DNAJB12: variants seen among roughly 807,000 people sequenced by gnomAD.
DNAJB12 encodes the protein DnaJ heat shock protein family (Hsp40) member B12.
In DNAJB12, 14 loss-of-function variants were observed where a neutral mutation model predicts 40.6. The ratio of observed to expected loss-of-function variants is 0.34; its 90% CI spans 0.23 to 0.54. The LOEUF (loss-of-function observed/expected upper bound fraction) is 0.54. Ranked by LOEUF, DNAJB12 falls within the 20% of genes least tolerant of loss-of-function variation. DNAJB12 has a pLI of 0.92. For synonymous variants in DNAJB12, 181 were observed against 199.5 expected (o/e 0.91, Z 0.78); for missense variants, 444 against 501.7 (o/e 0.89, Z 1.10).
intron 1 of DNAJB12, among the ~76,000 whole-genome samples, chr10:72,346,967 T>C (rs1254224617): frequency 1.3e-5 from 2 of 151,928 alleles, no homozygotes; most frequent in African/African-American, 2.4e-5. Flanking sequence ...ATTGGTTTTT[T>C]TTTTTTTTCT....
At chr10:72,354,250 G>A (rs1862007321) in intron 1 of DNAJB12, 1 of 153,606 alleles carries the variant, frequency 6.5e-6, no homozygotes, top group African/African-American at 2.4e-5. Context: ...TTGGGAGAGT[G>A]GTCCCTGACC....
intron 1 of DNAJB12, 68 bp downstream of exon 1, chr10:72,354,697 G>C: frequency 7.7e-7 from 1 of 1,294,124 alleles, no homozygotes; most frequent in Non-Finnish European, 1.1e-6. Flanking sequence ...AACTGCTCCC[G>C]TCGGTCCGTT....
At chr10:72,344,921 C>T (rs1861740126) in intron 2 of DNAJB12, 29 bp downstream of exon 2, 1 of 1,613,524 alleles carries the variant, frequency 6.2e-7, no homozygotes, top group African/African-American at 1.3e-5. Flanking sequence ...CCAGTCTCCC[C>T]AGGCTCCAGC....
chr10:72,339,225 C>G (rs964472267), intron 5 of DNAJB12, among the ~76,000 whole-genome samples: 4 of 124,012 alleles, frequency 3.2e-5, no homozygotes, highest in African/African-American at 1.3e-4. Context: ...GGTGACAGAA[C>G]GAGACCCTGT....
chr10:72,336,172 G>T (rs1166019210), intron 7 of DNAJB12, among the ~76,000 whole-genome samples: 1 of 152,208 alleles, frequency 6.6e-6, no homozygotes, highest in Non-Finnish European at 1.5e-5. Context: ...CTGTCATCCT[G>T]GTCAGGCCTC....
chr10:72,346,892 T>C (rs573559744), intron 1 of DNAJB12, among the ~76,000 whole-genome samples: 1 of 152,378 alleles, frequency 6.6e-6, no homozygotes, highest in African/African-American at 2.4e-5. Flanking sequence ...GCAAATATGT[T>C]TGCATTGCAC....
At chr10:72,353,160 T>C (rs1221926941) in intron 1 of DNAJB12, among the ~76,000 whole-genome samples, 1 of 152,258 alleles carries the variant, frequency 6.6e-6, no homozygotes, top group East Asian at 1.9e-4. Flanking sequence ...TTCAAGCTCC[T>C]GAACTGGTGC....
In DNAJB12 at chr10:72,354,887, T is replaced by C. The variant is rs2132014124; in HGVS notation, c.11A>G (p.Asn4Ser). The stretch of plus-strand genomic sequence containing the variant: ...GATACAGCGCTCAGCTTCATCCTTG[T>C]TGGATTCCATGGCGGAACCAGAACG... MES[N>S]KDEAERCISI... The change falls in exon 1 of 9, where the codon AAC (asparagine) becomes AGC (serine). Residue 4 changes from asparagine to serine, a missense_variant. Asn to Ser is a conservative substitution (Grantham distance 46, BLOSUM62 1). Coordinates refer to ENST00000444643, the MANE Select transcript of DNAJB12 (RefSeq NM_017626.7). 1 of 1,614,030 alleles carries C rather than the reference T, an allele frequency of 6.2e-7. No individual in the cohort carries two copies. Among genetic ancestry groups the C allele is most frequent in the Non-Finnish European group, 8.5e-7 (1 of 1,179,906 alleles).
chr10:72,344,817 A>C, intron 2 of DNAJB12, 133 bp downstream of exon 2: 3 of 1,038,066 alleles, frequency 2.9e-6, no homozygotes, highest in Non-Finnish European at 4.4e-6. Flanking sequence ...GGACCCTTGG[A>C]CCTTCTCCAT....
At chr10:72,338,622 G>A (rs1421714563) in intron 5 of DNAJB12, among the ~76,000 whole-genome samples, 2 of 151,330 alleles carry the variant, frequency 1.3e-5, no homozygotes, top group African/African-American at 4.9e-5. Context: ...GCTGGAAGGA[G>A]ACATGCAGTA....
chr10:72,340,600 C>T (rs1461447474), intron 5 of DNAJB12, among the ~76,000 whole-genome samples, 189 bp downstream of exon 5: 3 of 152,188 alleles, frequency 2.0e-5, no homozygotes, highest in Admixed American at 6.5e-5. Context: ...ATGGCTCCCT[C>T]GTGTGGCGCC....
chr10:72,349,078 A>G (rs1166740938), intron 1 of DNAJB12, among the ~76,000 whole-genome samples: 3 of 152,138 alleles, frequency 2.0e-5, no homozygotes, highest in African/African-American at 7.2e-5. Context: ...ATGCAAGCAA[A>G]AGCATAGAAG....
chr10:72,344,843 C>T, intron 2 of DNAJB12, 107 bp downstream of exon 2: 1 of 1,357,270 alleles, frequency 7.4e-7, no homozygotes, highest in Non-Finnish European at 1.0e-6. Context: ...AAGACCCTCC[C>T]AGGGCCCTGT....
At chr10:72,336,151 A>C (rs1168992815) in intron 7 of DNAJB12, among the ~76,000 whole-genome samples, 2 of 152,196 alleles carry the variant, frequency 1.3e-5, no homozygotes, top group East Asian at 3.8e-4. Context: ...GAGGCCAGCC[A>C]AGGTGAGACC....
At position 72,332,990 on chromosome 10, in the gene DNAJB12, C is replaced by G. The variant is rs998632561; in HGVS notation, c.*1658G>C. ...AGACCAGATGGTCGGGGCGTGGGGG[C>G]AGAGCACCGGGGCCACAGTGGGTAG... is the stretch of plus-strand genomic sequence containing the variant. On this transcript the variant is annotated 3_prime_UTR_variant, in exon 9 of 9. Transcript: ENST00000444643. 34 of 152,634 alleles carry G rather than the reference C, an allele frequency of 2.2e-4. No homozygotes were observed. The highest frequency in any genetic ancestry group is 8.0e-4 in the African/African-American group (33 of 41,424). 9.5% of individuals were successfully genotyped at this position (152,634 alleles called of 1,614,324 possible).
Position 72,335,746 on chromosome 10 carries a change from G to A in DNAJB12, c.*30+34C>T. 6.2e-7 allele frequency: 1 copy of A among 1,600,942 alleles called. No individual in the cohort carries two copies. Among genetic ancestry groups the A allele is most frequent in the Non-Finnish European group, 8.5e-7 (1 of 1,172,310 alleles). Reference sequence around the variant, plus strand: ...CTCATGACCAGGGCCAAAGCTGCCAGGAGTTGCAGGGTGGAGGCAGCCCTG... The same window carrying A: ...CTCATGACCAGGGCCAAAGCTGCCAAGAGTTGCAGGGTGGAGGCAGCCCTG... On this transcript the variant is annotated intron_variant, in intron 8 of 8. Coordinates refer to ENST00000444643, the MANE Select transcript of DNAJB12 (RefSeq NM_017626.7). This position sits in a 1 kb window ranked among gnomAD's most constrained non-coding sequence, Gnocchi z 4.4.
At chr10:72,342,594 G>A (rs1396305159) in intron 3 of DNAJB12, among the ~76,000 whole-genome samples, 1 of 152,198 alleles carries the variant, frequency 6.6e-6, no homozygotes, top group East Asian at 1.9e-4. Context: ...GGCTATGGTT[G>A]TGGGTGCAGC....
rs1212939704 is a variant in DNAJB12, at chr10:72,334,151, T to C, written c.*497A>G. 5.6e-6 allele frequency: 1 copy of C among 177,482 alleles called. No individual in the cohort carries two copies. Among genetic ancestry groups the C allele is most frequent in the African/African-American group, 2.4e-5 (1 of 41,624 alleles). The allele number at this position is 177,482 out of a possible 1,614,324, so 11.0% of individuals were successfully genotyped here. A position where few individuals can be genotyped will look rare whatever the true frequency, so the allele number is the denominator to read the frequency against. ...ATATCTTCATATATGCCTATTTACA[T>C]ATAAATAGATATATATACATATACA... On this transcript the variant is annotated 3_prime_UTR_variant, in exon 9 of 9. Coordinates refer to ENST00000444643, the MANE Select transcript of DNAJB12 (RefSeq NM_017626.7).
At chr10:72,344,828 C>A (rs919002002) in intron 2 of DNAJB12, 122 bp downstream of exon 2, 7 of 1,161,286 alleles carry the variant, frequency 6.0e-6, no homozygotes, top group Non-Finnish European at 8.8e-6. Flanking sequence ...CCTTCTCCAT[C>A]CTCCAAGACC....
Sources: gnomAD v4.1 joint callset for allele counts (sites outside exome capture counted in the v4.1 genomes callset) on GRCh38, gnomAD v4.1.1 for gene constraint, Gnocchi (gnomAD v3.1) non-coding constraint, MANE v1.5 for transcripts, NCBI Gene and HGNC (gene_info 2026-07-23, HGNC 2026-07-21) for gene names.